HCRTR2: variants seen among roughly 807,000 people sequenced by gnomAD.
The protein encoded by HCRTR2 is hypocretin receptor 2, also known as orexin receptor type 2.
A neutral mutation model predicts 49.0 loss-of-function variants in HCRTR2; 22 were observed. The observed-to-expected ratio is 0.45, with a 90% CI of 0.32 to 0.64. The LOEUF is 0.64. Ranked by LOEUF, HCRTR2 falls within the 30% of genes least tolerant of loss-of-function variation. HCRTR2 has a pLI of 0.04. For synonymous variants in HCRTR2, 236 were observed against 205.3 expected, an observed-to-expected ratio of 1.15 and a Z score of -1.28; for missense variants, 491 against 559.4, an observed-to-expected ratio of 0.88 and a Z score of 1.23.
chr6:55,143,511 A>G (rs1581792797), intron 1 of HCRTR2, among the ~76,000 whole-genome samples: 1 of 152,218 alleles, frequency 6.6e-6, no homozygotes, highest in African/African-American at 2.4e-5. Flanking sequence ...TTTGCTTAGA[A>G]AATGTTTTCT....
intron 1 of HCRTR2, among the ~76,000 whole-genome samples, chr6:55,155,569 T>C (rs573527306): frequency 6.6e-6 from 1 of 152,176 alleles, no homozygotes; most frequent in East Asian, 1.9e-4. Flanking sequence ...ATGTTTTATA[T>C]GAATGTGCGG....
At chr6:55,225,946 T>G (rs1765995709) in intron 1 of HCRTR2, among the ~76,000 whole-genome samples, 1 of 152,256 alleles carries the variant, frequency 6.6e-6, no homozygotes, top group Non-Finnish European at 1.5e-5. Flanking sequence ...TCTTTTCATT[T>G]GGTCCTCACC....
intron 1 of HCRTR2, among the ~76,000 whole-genome samples, chr6:55,128,750 T>C (rs1054284590): frequency 6.6e-6 from 1 of 152,134 alleles, no homozygotes; most frequent in Non-Finnish European, 1.5e-5. Flanking sequence ...TTTACAGACA[T>C]TTTAGGTGTA....
chr6:55,182,626 C>A (rs1357231343), intron 1 of HCRTR2, among the ~76,000 whole-genome samples: 1 of 152,228 alleles, frequency 6.6e-6, no homozygotes, highest in African/African-American at 2.4e-5. Context: ...GTAACAGACA[C>A]TGAGTCAGAA....
chr6:55,174,058 T>C (rs553464120), upstream of HCRTR2, among the ~76,000 whole-genome samples: 18 of 152,228 alleles, frequency 1.2e-4, no homozygotes, highest in South Asian at 4.1e-4. Context: ...TTTTGTCATA[T>C]CCACAGACTG....
At chr6:55,262,487 C>A (rs1766781619) in intron 3 of HCRTR2, among the ~76,000 whole-genome samples, 1 of 122,960 alleles carries the variant, frequency 8.1e-6, no homozygotes. Context: ...TAATATATAA[C>A]TTATTATTAT....
At chr6:55,276,194 C>T (rs538847150) in intron 4 of HCRTR2, among the ~76,000 whole-genome samples, 2 of 152,220 alleles carry the variant, frequency 1.3e-5, no homozygotes, top group South Asian at 4.1e-4. Flanking sequence ...ACAAGACATA[C>T]AGAGTGAGAA....
intron 5 of HCRTR2, among the ~76,000 whole-genome samples, chr6:55,278,960 G>A (rs937763720): frequency 6.6e-6 from 1 of 151,640 alleles, no homozygotes; most frequent in African/African-American, 2.4e-5. Flanking sequence ...TGGATTTCCT[G>A]TATCTCAGAA....
chr6:55,217,316 T>C (rs114538443), intron 1 of HCRTR2, among the ~76,000 whole-genome samples: 1,600 of 152,356 alleles, frequency 0.011, 27 homozygotes, highest in African/African-American at 0.036. Flanking sequence ...GCAGTTTTGC[T>C]GTTTACATGG....
intron 1 of HCRTR2, among the ~76,000 whole-genome samples, chr6:55,201,087 C>A (rs1765505754): frequency 1.3e-5 from 2 of 152,004 alleles, no homozygotes; most frequent in African/African-American, 4.8e-5. Context: ...TAAGGTAGAC[C>A]TGTTTGGTAG....
chr6:55,149,844 T>C (rs542597197), intron 1 of HCRTR2, among the ~76,000 whole-genome samples: 76 of 152,186 alleles, frequency 5.0e-4, no homozygotes, highest in African/African-American at 1.8e-3. Context: ...GTACTTGGCT[T>C]TCAGAACTTC....
chr6:55,251,440 C>G (rs1196655409), intron 2 of HCRTR2, among the ~76,000 whole-genome samples: 7 of 152,036 alleles, frequency 4.6e-5, no homozygotes, highest in Non-Finnish European at 1.0e-4. Context: ...AACATGTATT[C>G]AGCTATTTGC....
At chr6:55,269,434 A>T (rs1255371738) in intron 4 of HCRTR2, among the ~76,000 whole-genome samples, 2 of 152,178 alleles carry the variant, frequency 1.3e-5, no homozygotes, top group Non-Finnish European at 2.9e-5. Context: ...CTTGTAGGTT[A>T]TGTGATATTT....
At position 55,178,110 on chromosome 6, in the gene HCRTR2, G is replaced by A. The variant is rs150886329; in HGVS notation, c.223+3300G>A. 2.8e-3 allele frequency among the ~76,000 whole-genome samples: 427 copies of A among 152,170 alleles called. 4 individuals are homozygous for A. The highest frequency in any genetic ancestry group is 4.2e-3 in the Non-Finnish European group (285 of 67,970). On this transcript the variant is annotated intron_variant, in intron 1 of 6. Transcript: ENST00000370862. ...TTTTTTTAAATTAGTGTGTATATCA[G>A]GGGAGCCTCTGGGGAAATGTAAAGA...
At chr6:55,198,834 T>C (rs1348193643) in intron 1 of HCRTR2, among the ~76,000 whole-genome samples, 1 of 152,200 alleles carries the variant, frequency 6.6e-6, no homozygotes, top group Non-Finnish European at 1.5e-5. Flanking sequence ...GTCCCCATAC[T>C]GCCATCAGGA....
At chr6:55,114,993 A>G (rs1764096541) in intron 1 of HCRTR2, among the ~76,000 whole-genome samples, 1 of 151,794 alleles carries the variant, frequency 6.6e-6, no homozygotes, top group African/African-American at 2.4e-5. Flanking sequence ...CAGACATACA[A>G]ATTAGAAATG....
At chr6:55,116,612 TA>T (rs377123307) in intron 1 of HCRTR2, among the ~76,000 whole-genome samples, 9 of 149,824 alleles carry the variant, frequency 6.0e-5, no homozygotes, top group Non-Finnish European at 8.9e-5. Flanking sequence ...ACAATTGATC[TA>T]AAAAAAATTC....
chr6:55,192,411 GCGCACACACA>G (rs1459615912), intron 1 of HCRTR2, among the ~76,000 whole-genome samples: 1 of 44,692 alleles, frequency 2.2e-5, no homozygotes, highest in African/African-American at 8.9e-5. Flanking sequence ...ACGCGCGCGC[GCGCACACACA>G]CACACACACA....
intron 1 of HCRTR2, among the ~76,000 whole-genome samples, chr6:55,210,591 A>G (rs1286487872): frequency 6.6e-6 from 1 of 152,160 alleles, no homozygotes; most frequent in Non-Finnish European, 1.5e-5. Flanking sequence ...ACAAACATGG[A>G]GAATAAAATA....
Sources: allele counts gnomAD v4.1 joint callset (sites outside exome capture counted in the v4.1 genomes callset), GRCh38; gene constraint gnomAD v4.1.1; transcripts MANE v1.5; gene names NCBI Gene and HGNC (gene_info 2026-07-23, HGNC 2026-07-21).